SGCZ: variants seen among roughly 807,000 people sequenced by gnomAD.
SGCZ encodes zeta-sarcoglycan.
In SGCZ, 40 loss-of-function variants were observed where a neutral mutation model predicts 41.3. That is an observed-to-expected ratio of 0.97 (90% CI 0.75 to 1.26). SGCZ has a LOEUF of 1.26. Among genes scored for constraint, SGCZ ranks in the 50% most tolerant of loss-of-function variants. The pLI is 0.00. For synonymous variants in SGCZ, 206 were observed against 137.5 expected (o/e 1.50, Z -3.49); for missense variants, 552 against 369.8 (o/e 1.49, Z -4.04).
chr8:14,582,050 G>C (rs771296777), intron 1 of SGCZ, among the ~76,000 whole-genome samples: 3 of 152,024 alleles, frequency 2.0e-5, no homozygotes, highest in Non-Finnish European at 4.4e-5. Flanking sequence ...TACTCAACGT[G>C]ATGATGAGCA....
At chr8:14,168,433 G>T (rs1211209180) in intron 4 of SGCZ, among the ~76,000 whole-genome samples, 1 of 152,124 alleles carries the variant, frequency 6.6e-6, no homozygotes, top group Non-Finnish European at 1.5e-5. Context: ...GGACCCAGTG[G>T]GAGGTAATTG....
chr8:14,359,177 T>C (rs1803412497), intron 2 of SGCZ, among the ~76,000 whole-genome samples: 1 of 152,092 alleles, frequency 6.6e-6, no homozygotes, highest in Non-Finnish European at 1.5e-5. Context: ...TACGTGAAGA[T>C]AATTTATAAT....
chr8:15,237,492 C>G, intron 1 of SGCZ, 93 bp downstream of exon 1: 2 of 1,462,588 alleles, frequency 1.4e-6, no homozygotes, highest in Non-Finnish European at 1.9e-6. Flanking sequence ...GGACCACCAA[C>G]TACTCCGCGC....
intron 1 of SGCZ, among the ~76,000 whole-genome samples, chr8:14,581,449 G>T (rs941673486): frequency 6.9e-6 from 1 of 144,786 alleles, no homozygotes; most frequent in African/African-American, 2.5e-5. Flanking sequence ...TTGTTTTTTT[G>T]TTTTTTTTTT....
At position 14,994,456 on chromosome 8, in the gene SGCZ, C is replaced by T. The variant is rs184198405; in HGVS notation, c.39+243129G>A. On this transcript the variant is annotated intron_variant, in intron 1 of 7. Coordinates refer to ENST00000382080, the MANE Select transcript of SGCZ (RefSeq NM_139167.4). ...ACAATTAGCTGGGCATGGCAGCATG[C>T]GCCTGTAGTCCAAGCTACTGGGGAG... Among the ~76,000 whole-genome samples, 510 of 152,102 alleles carry T rather than the reference C, an allele frequency of 3.4e-3. 5 individuals are homozygous for T. Among genetic ancestry groups the T allele is most frequent in the African/African-American group, 0.012 (487 of 41,488 alleles).
intron 5 of SGCZ, among the ~76,000 whole-genome samples, chr8:14,110,044 C>T (rs1435049073): frequency 6.6e-6 from 1 of 151,824 alleles, no homozygotes; most frequent in Non-Finnish European, 1.5e-5. Flanking sequence ...ATTATTTAAG[C>T]GGTTTATTCT....
chr8:14,398,096 T>A (rs187101114), intron 2 of SGCZ, among the ~76,000 whole-genome samples: 1 of 152,066 alleles, frequency 6.6e-6, no homozygotes, highest in Non-Finnish European at 1.5e-5. Flanking sequence ...TGACCCTCAA[T>A]TGACATCAAG....
chr8:14,482,883 C>A (rs1335616821), intron 2 of SGCZ, among the ~76,000 whole-genome samples: 1 of 152,020 alleles, frequency 6.6e-6, no homozygotes, highest in Non-Finnish European at 1.5e-5. Flanking sequence ...GGAATTAACA[C>A]CACTGGCTCC....
chr8:15,155,176 T>C (rs965619252), intron 1 of SGCZ, among the ~76,000 whole-genome samples: 8 of 152,082 alleles, frequency 5.3e-5, no homozygotes, highest in Non-Finnish European at 1.0e-4. Flanking sequence ...ACGCCTATAG[T>C]CCCAGCTACT....
Position 15,003,853 on chromosome 8 carries a change from T to G in SGCZ, c.39+233732A>C, listed in dbSNP as rs994211979. Among the ~76,000 whole-genome samples the G allele has an allele frequency of 1.5e-4, 23 of 152,236 alleles. 1 individual carries two copies. Among genetic ancestry groups the G allele is most frequent in the Admixed American group, 1.1e-3 (17 of 15,282 alleles). On this transcript the variant is annotated intron_variant, in intron 1 of 7. Transcript: ENST00000382080. ...TCGTAAGTGTTGCTGATGAAAACAA[T>G]TATGAAAGTAATTTCTAATTTAGAA...
chr8:15,233,894 A>G (rs1007813688), intron 1 of SGCZ, among the ~76,000 whole-genome samples: 2 of 152,304 alleles, frequency 1.3e-5, no homozygotes, highest in Non-Finnish European at 2.9e-5. Flanking sequence ...ACTGAAAAAA[A>G]TTATATTATA....
chr8:14,946,657 A>C (rs1005169496), intron 1 of SGCZ, among the ~76,000 whole-genome samples: 1 of 143,162 alleles, frequency 7.0e-6, no homozygotes, highest in African/African-American at 2.5e-5. Context: ...AAACCAGAGA[A>C]GTTTGTTAGA....
chr8:14,286,494 G>A (rs529197760), intron 3 of SGCZ, among the ~76,000 whole-genome samples: 74 of 152,218 alleles, frequency 4.9e-4, no homozygotes, highest in African/African-American at 1.5e-3. Flanking sequence ...TTTCTAAAGC[G>A]TGTTGAAGAG....
chr8:14,472,291 G>A (rs1325682097), intron 2 of SGCZ, among the ~76,000 whole-genome samples: 1 of 151,896 alleles, frequency 6.6e-6, no homozygotes, highest in Non-Finnish European at 1.5e-5. Context: ...TTAATTAAAG[G>A]CTTATATTTT....
intron 2 of SGCZ, among the ~76,000 whole-genome samples, chr8:14,525,408 C>A (rs1802917037): frequency 6.6e-6 from 1 of 152,042 alleles, no homozygotes; most frequent in Non-Finnish European, 1.5e-5. Flanking sequence ...TTGAATATTT[C>A]TTTTAAAAAA....
At chr8:14,895,935 T>A (rs1308102663) in intron 1 of SGCZ, among the ~76,000 whole-genome samples, 1 of 152,234 alleles carries the variant, frequency 6.6e-6, no homozygotes, top group Non-Finnish European at 1.5e-5. Context: ...GGGTTGAGAC[T>A]CACTTTAGTA....
chr8:14,932,247 G>C (rs1178459472), intron 1 of SGCZ, among the ~76,000 whole-genome samples: 2 of 151,878 alleles, frequency 1.3e-5, no homozygotes, highest in Non-Finnish European at 2.9e-5. Context: ...CTTAGATTTT[G>C]AAAGTTTCAA....
At chr8:15,111,412 C>A (rs1039650137) in intron 1 of SGCZ, among the ~76,000 whole-genome samples, 3 of 152,164 alleles carry the variant, frequency 2.0e-5, no homozygotes, top group Admixed American at 6.5e-5. Context: ...GGCACCCATC[C>A]ACTCAGGCCT....
At chr8:15,119,991 G>GT (rs1226326951) in intron 1 of SGCZ, among the ~76,000 whole-genome samples, 1 of 150,760 alleles carries the variant, frequency 6.6e-6, no homozygotes, top group Non-Finnish European at 1.5e-5. Context: ...TGTTGCTTTT[G>GT]TTTTTTATTG....
Sources: gnomAD v4.1 joint callset for allele counts (sites outside exome capture counted in the v4.1 genomes callset) on GRCh38, gnomAD v4.1.1 for gene constraint, MANE v1.5 for transcripts, NCBI Gene and HGNC (gene_info 2026-07-23, HGNC 2026-07-21) for gene names.